The following ITGAL variants were observed in gnomAD, a reference collection of about 807,000 sequenced individuals.
The protein encoded by ITGAL is integrin alpha-L.
Under a neutral mutation model 138.4 loss-of-function variants are expected in ITGAL, and 68 were observed. The observed-to-expected ratio is 0.49, with a 90% confidence interval of 0.40 to 0.60. The LOEUF is 0.60. Among genes scored for constraint, ITGAL ranks in the 20% least tolerant of loss-of-function variants. ITGAL has a pLI of 0.00. For synonymous variants in ITGAL, 561 were observed against 584.3 expected (o/e 0.96, Z 0.57); for missense variants, 1,256 against 1,478.6 (o/e 0.85, Z 2.47).
Position 30,475,535 on chromosome 16 carries a change from C to T in ITGAL, c.282C>T (p.Tyr94=), listed in dbSNP as rs771767347. The T allele has an allele frequency of 6.2e-7, 1 of 1,614,002 alleles. No individual in the cohort carries two copies. Among genetic ancestry groups the T allele is most frequent in the Admixed American group, 1.7e-5 (1 of 59,978 alleles). The change falls in exon 4 of 31, where the codon TAC becomes TAT. Residue 94 remains tyrosine, a synonymous_variant. Transcript: ENST00000356798. Reference sequence around the variant, plus strand: ...CAGGTTCCAACTATACCTCCAAGTACTTGGGAATGACCTTGGCAACAGACC... The same window carrying T: ...CAGGTTCCAACTATACCTCCAAGTATTTGGGAATGACCTTGGCAACAGACC... ...TLRGSNYTSK[Y]LGMTLATDPT...
Position 30,515,788 on chromosome 16 carries a change from A to G in ITGAL, c.2863-1185A>G, listed in dbSNP as rs184697718. 2.7e-3 allele frequency among the ~76,000 whole-genome samples: 418 copies of G among 152,302 alleles called. 2 individuals are homozygous for G. The highest frequency in any genetic ancestry group is 4.8e-3 in the Non-Finnish European group (325 of 68,010). ...GGAGTTCAAGACCAGCCTGGCCAAC[A>G]TGATGAAACCCCATCTCTACTAAAA... On this transcript the variant is annotated intron_variant, in intron 25 of 30. Transcript: ENST00000356798.
chr16:30,496,579 T>A lies in ITGAL; in HGVS notation c.1832+13T>A. The A allele has an allele frequency of 2.5e-6, 4 of 1,608,094 alleles. No individual in the cohort carries two copies. Among genetic ancestry groups the A allele is most frequent in the Non-Finnish European group, 3.4e-6 (4 of 1,177,022 alleles). On this transcript the variant is annotated intron_variant, in intron 15 of 30. Coordinates refer to ENST00000356798, the MANE Select transcript of ITGAL (RefSeq NM_002209.3). ...TGATCGTGCTGAGGTGAGATGGGTC[T>A]CCCAGGTCACACCTGATGACCCCAG...
rs780791152 is a variant in ITGAL at position 30,479,328 on chromosome 16, C to T, written c.446-3C>T. 6.2e-7 allele frequency: 1 copy of T among 1,613,874 alleles called. No homozygotes were observed. The highest frequency in any genetic ancestry group is 8.5e-7 in the Non-Finnish European group (1 of 1,180,028). On this transcript the variant is annotated splice_polypyrimidine_tract_variant and splice_region_variant and intron_variant, in intron 5 of 30. Coordinates refer to ENST00000356798, the MANE Select transcript of ITGAL (RefSeq NM_002209.3). ...CTGGGTCCCTTGCGTCTGGCTTCTG[C>T]AGAATGTATCAAGGGCAACGTAGAC...
Position 30,521,717 on chromosome 16 carries a change from G to A in ITGAL, c.*52G>A. ...CCAGAACTGGACTCAGGATGCCCAG[G>A]GCCACTCTGCCTCTGCCTGCATTCT... On this transcript the variant is annotated 3_prime_UTR_variant, in exon 31 of 31. Transcript: ENST00000356798. 6.4e-7 allele frequency: 1 copy of A among 1,564,468 alleles called. No individual in the cohort carries two copies. Among genetic ancestry groups the A allele is most frequent in the Non-Finnish European group, 8.7e-7 (1 of 1,146,496 alleles).
chr16:30,506,927 G>T, intron 21 of ITGAL, 71 bp downstream of exon 21: 1 of 1,572,736 alleles, frequency 6.4e-7, no homozygotes, highest in Middle Eastern at 1.8e-4. Context: ...TGAGCCCCAG[G>T]CAGCCAGGAC....
chr16:30,518,594 G>A (rs771307026), intron 28 of ITGAL, 30 bp from the exon 29 acceptor site: 13 of 1,508,710 alleles, frequency 8.6e-6, no homozygotes, highest in Admixed American at 6.7e-5. Context: ...TCGTTCTCCC[G>A]GGTTCTGACG....
At chr16:30,484,780 T>G (rs1193374553) in intron 9 of ITGAL, among the ~76,000 whole-genome samples, 1 of 151,320 alleles carries the variant, frequency 6.6e-6, no homozygotes, top group Non-Finnish European at 1.5e-5. Context: ...TTAGCTGGGC[T>G]TGGTGGTGCA....
At chr16:30,493,692 C>A (rs779428679) in intron 11 of ITGAL, among the ~76,000 whole-genome samples, 1 of 152,122 alleles carries the variant, frequency 6.6e-6, no homozygotes, top group Non-Finnish European at 1.5e-5. Context: ...GAGTTTGAGA[C>A]CATCCTGGCC....
intron 7 of ITGAL, among the ~76,000 whole-genome samples, chr16:30,482,859 C>G (rs1337907038): frequency 6.6e-6 from 1 of 151,944 alleles, no homozygotes; most frequent in East Asian, 1.9e-4. Context: ...CAAGGTCTCA[C>G]TCTGTTGCCC....
At chr16:30,511,946 A>G (rs1270630673) in intron 24 of ITGAL, among the ~76,000 whole-genome samples, 1 of 152,208 alleles carries the variant, frequency 6.6e-6, no homozygotes, top group Non-Finnish European at 1.5e-5. Flanking sequence ...TGTAATGTTA[A>G]GGGTAGGGGG....
Position 30,510,937 on chromosome 16 carries a change from T to A in ITGAL, c.2676T>A (p.Val892=), listed in dbSNP as rs2051080846. 2 of 1,613,942 alleles carry A rather than the reference T, an allele frequency of 1.2e-6. No individual in the cohort carries two copies. Among genetic ancestry groups the A allele is most frequent in the Admixed American group, 3.3e-5 (2 of 59,978 alleles). Residue 892 remains valine, a synonymous_variant, in exon 23 of 31, where the codon GTT becomes GTA. Transcript: ENST00000356798. ...TAAACAGCTCCTGGGGGGACTCGGT[T>A]GAATTGCACGCCAATGTGACCTGGT... ...TLVNSSWGDS[V]ELHANVTCNN...
chr16:30,505,848 G>C (rs2050982443), intron 20 of ITGAL, among the ~76,000 whole-genome samples: 1 of 152,162 alleles, frequency 6.6e-6, no homozygotes, highest in Non-Finnish European at 1.5e-5. Context: ...ACCCCAGCCT[G>C]GGTGACAGAG....
chr16:30,497,008 C>T (rs766435681), intron 15 of ITGAL, among the ~76,000 whole-genome samples: 1 of 151,866 alleles, frequency 6.6e-6, no homozygotes, highest in Non-Finnish European at 1.5e-5. Flanking sequence ...ACCTGTAATC[C>T]CAGAGACAGC....
In ITGAL at chr16:30,474,151, G is replaced by A. The variant is rs1396133117; in HGVS notation, c.62-45G>A. The stretch of plus-strand genomic sequence containing the variant: ...CGGCCACCTGCTGGGCACGTGCAGG[G>A]GCGGGGGTCCCTCGGTCGCAGCTGA... On this transcript the variant is annotated intron_variant, in intron 1 of 30. Transcript: ENST00000356798. 5 of 1,425,394 alleles carry A rather than the reference G, an allele frequency of 3.5e-6. No homozygotes were observed. The Admixed American group carries it at 9.8e-5, about 28-fold the overall frequency. The allele number at this position is 1,425,394 out of a possible 1,614,324, so 88.3% of individuals were successfully genotyped here.
intron 25 of ITGAL, among the ~76,000 whole-genome samples, chr16:30,514,825 CTTT>C (rs35701226): frequency 1.3e-4 from 18 of 134,208 alleles, no homozygotes; most frequent in East Asian, 2.1e-4. Context: ...TTTTTCTTTT[CTTT>C]TTTTTTTTTT....
At chr16:30,474,846 CT>C (rs1205873810) in intron 2 of ITGAL, among the ~76,000 whole-genome samples, 70 of 125,246 alleles carry the variant, frequency 5.6e-4, no homozygotes, top group Admixed American at 9.4e-4. Flanking sequence ...GAGGCATCTT[CT>C]TTTTTTTTTT....
intron 20 of ITGAL, 41 bp from the exon 21 acceptor site, chr16:30,506,674 T>G: frequency 6.5e-7 from 1 of 1,538,186 alleles, no homozygotes; most frequent in Non-Finnish European, 8.8e-7. Context: ...TTCCCCACCC[T>G]GATCCTCCCT....
At chr16:30,500,320 A>C (rs1036719036) in intron 17 of ITGAL, among the ~76,000 whole-genome samples, 1 of 147,414 alleles carries the variant, frequency 6.8e-6, no homozygotes, top group East Asian at 2.1e-4. Context: ...TCCTGACCTC[A>C]GGTGATCCTC....
intron 17 of ITGAL, among the ~76,000 whole-genome samples, chr16:30,503,587 AGAAG>A (rs1257103195): frequency 6.6e-6 from 1 of 151,484 alleles, no homozygotes; most frequent in Non-Finnish European, 1.5e-5. Context: ...GGGAGGGAAA[AGAAG>A]AAAGAAAAAA....
Sources: gnomAD v4.1 joint callset for allele counts (sites outside exome capture counted in the v4.1 genomes callset) on GRCh38, gnomAD v4.1.1 for gene constraint, MANE v1.5 for transcripts, NCBI Gene and HGNC (gene_info 2026-07-23, HGNC 2026-07-21) for gene names.